Variants in CTNND2 observed in about 807,000 individuals in gnomAD.
CTNND2 encodes catenin delta 2, also known as catenin delta-2.
Under a neutral mutation model 144.4 loss-of-function variants are expected in CTNND2, and 22 were observed. The ratio of observed to expected loss-of-function variants is 0.15; its 90% CI spans 0.11 to 0.22. The LOEUF is 0.22. Ranked by LOEUF, CTNND2 falls within the 10% of genes least tolerant of loss-of-function variation. The probability of loss-of-function intolerance (pLI) is 1.00; values close to 1 mark genes in which losing one functional copy is unlikely to be tolerated. For missense variants in CTNND2, 1,353 were observed against 1,618.8 expected (o/e 0.84, Z 2.82); for synonymous variants, 751 against 695.6 (o/e 1.08, Z -1.25).
Position 11,791,989 on chromosome 5 carries a change from T to C in CTNND2, c.38-59717A>G, listed in dbSNP as rs146504667. Among the ~76,000 whole-genome samples, 14 of 152,322 alleles carry C rather than the reference T, an allele frequency of 9.2e-5. 1 individual carries two copies. The East Asian group carries it at 2.7e-3, about 29-fold the overall frequency. On this transcript the variant is annotated intron_variant, in intron 1 of 21. Transcript: ENST00000304623. ...ATGCCATGCCAAGAAAGTGGGTGACTGCATTTAACATTCTACAAATAGAAT... is the reference window on the plus strand; with the variant it reads ...ATGCCATGCCAAGAAAGTGGGTGACCGCATTTAACATTCTACAAATAGAAT...
intron 3 of CTNND2, among the ~76,000 whole-genome samples, chr5:11,413,745 T>C (rs1761719455): frequency 6.6e-6 from 1 of 152,184 alleles, no homozygotes; most frequent in Non-Finnish European, 1.5e-5. Flanking sequence ...GATACTATTT[T>C]CATTAATCAT....
intron 9 of CTNND2, among the ~76,000 whole-genome samples, chr5:11,243,553 T>A (rs1315939681): frequency 6.6e-6 from 1 of 152,168 alleles, no homozygotes. Flanking sequence ...AACTCGTAAC[T>A]CTCATTTGTG....
intron 2 of CTNND2, among the ~76,000 whole-genome samples, chr5:11,657,000 T>C (rs1212131677): frequency 6.6e-6 from 1 of 152,038 alleles, no homozygotes; most frequent in Non-Finnish European, 1.5e-5. Flanking sequence ...CTGAAAACAT[T>C]CCAGTGACAT....
intron 1 of CTNND2, among the ~76,000 whole-genome samples, chr5:11,746,622 T>C (rs1157658054): frequency 6.6e-6 from 1 of 152,222 alleles, no homozygotes; most frequent in African/African-American, 2.4e-5. Context: ...CTCAATATCT[T>C]AGATCTATGG....
chr5:11,699,941 G>A (rs1338481501), intron 2 of CTNND2, among the ~76,000 whole-genome samples: 7 of 152,116 alleles, frequency 4.6e-5, no homozygotes, highest in African/African-American at 1.2e-4. Context: ...AGAGGGAGTC[G>A]GATACTTGGT....
At chr5:11,757,470 A>T (rs1341371743) in intron 1 of CTNND2, among the ~76,000 whole-genome samples, 1 of 151,864 alleles carries the variant, frequency 6.6e-6, no homozygotes, top group Non-Finnish European at 1.5e-5. Flanking sequence ...ATTTTAGAAT[A>T]AATTCCTAGA....
chr5:11,829,015 C>G (rs781221692), intron 1 of CTNND2, among the ~76,000 whole-genome samples: 21 of 152,136 alleles, frequency 1.4e-4, no homozygotes, highest in Non-Finnish European at 2.4e-4. Context: ...TTAGAAGAGA[C>G]TGGTGGCATT....
intron 9 of CTNND2, among the ~76,000 whole-genome samples, chr5:11,293,296 C>A (rs559381161): frequency 6.6e-6 from 1 of 152,264 alleles, no homozygotes; most frequent in East Asian, 1.9e-4. Context: ...TCATACAATT[C>A]CAGGGCATAA....
Position 11,879,339 on chromosome 5 carries a change from G to GTATATATATATA in CTNND2, c.37+24477_37+24478insTATATATATATA, listed in dbSNP as rs368634452. On this transcript the variant is annotated intron_variant, in intron 1 of 21. Transcript: ENST00000304623. ...TCAAGTGTATTAAAAAATTAAATGT[G>GTATATATATATA]TGTATATATATATATATACATATAC... Among the ~76,000 whole-genome samples, 62 of 100,948 alleles carry GTATATATATATA rather than the reference G, an allele frequency of 6.1e-4. 4 individuals are homozygous for GTATATATATATA. The highest frequency in any genetic ancestry group is 1.5e-3 in the Admixed American group (14 of 9,132). The allele number at this position is 100,948 out of a possible 152,430, so 66.2% of individuals were successfully genotyped here. A position where few individuals can be genotyped will look rare whatever the true frequency, so the allele number is the denominator to read the frequency against.
At chr5:11,104,671 G>C (rs1192886551) in intron 14 of CTNND2, among the ~76,000 whole-genome samples, 1 of 152,180 alleles carries the variant, frequency 6.6e-6, no homozygotes, top group African/African-American at 2.4e-5. Flanking sequence ...GAAAACGGTA[G>C]TGCGGGTGTC....
intron 12 of CTNND2, among the ~76,000 whole-genome samples, chr5:11,133,329 A>G (rs1270151812): frequency 6.6e-6 from 1 of 152,100 alleles, no homozygotes; most frequent in Non-Finnish European, 1.5e-5. Flanking sequence ...CTTAATTACT[A>G]AAATATATTC....
At chr5:11,713,200 T>C (rs994356682) in intron 2 of CTNND2, among the ~76,000 whole-genome samples, 3 of 152,326 alleles carry the variant, frequency 2.0e-5, no homozygotes, top group Admixed American at 6.5e-5. Context: ...ATAACATTTG[T>C]TTTTGTTGTT....
intron 2 of CTNND2, among the ~76,000 whole-genome samples, chr5:11,670,568 A>T (rs1401108066): frequency 6.6e-6 from 1 of 152,156 alleles, no homozygotes; most frequent in Non-Finnish European, 1.5e-5. Context: ...CAAGACTAGG[A>T]TTGCAAGCTC....
Position 11,901,019 on chromosome 5 carries a change from A to G in CTNND2, c.37+2798T>C, listed in dbSNP as rs573616529. ...GTGTTCCCATTTTCTGTGGCTAATC[A>G]TAAAGAAGAAAACATTGGAAGTTCA... On this transcript the variant is annotated intron_variant, in intron 1 of 21. Coordinates refer to ENST00000304623, the MANE Select transcript of CTNND2 (RefSeq NM_001332.4). 1.1e-4 allele frequency among the ~76,000 whole-genome samples: 16 copies of G among 152,348 alleles called. No individual in the cohort carries two copies. The South Asian group carries it at 2.9e-3, about 28-fold the overall frequency.
chr5:11,817,471 G>A (rs1328541545), intron 1 of CTNND2, among the ~76,000 whole-genome samples: 3 of 143,078 alleles, frequency 2.1e-5, no homozygotes, highest in Non-Finnish European at 3.1e-5. Flanking sequence ...GAGAACTAGC[G>A]CTGGAGTGAG....
At chr5:11,050,397 C>A (rs991287330) in intron 16 of CTNND2, among the ~76,000 whole-genome samples, 2 of 152,132 alleles carry the variant, frequency 1.3e-5, no homozygotes, top group Non-Finnish European at 2.9e-5. Flanking sequence ...TCTACTGCTA[C>A]AAATGGCTTA....
At chr5:11,348,642 A>C (rs1755040380) in intron 8 of CTNND2, among the ~76,000 whole-genome samples, 1 of 152,118 alleles carries the variant, frequency 6.6e-6, no homozygotes, top group African/African-American at 2.4e-5. Flanking sequence ...TCAGGAAATA[A>C]TATTGAAATC....
At chr5:11,422,099 A>G (rs1354965763) in intron 3 of CTNND2, among the ~76,000 whole-genome samples, 3 of 152,200 alleles carry the variant, frequency 2.0e-5, no homozygotes, top group African/African-American at 7.2e-5. Context: ...GCTAATTCAC[A>G]GAACTGAAAG....
chr5:11,536,400 A>C (rs543249013), intron 3 of CTNND2, among the ~76,000 whole-genome samples: 1 of 152,088 alleles, frequency 6.6e-6, no homozygotes, highest in Non-Finnish European at 1.5e-5. Context: ...AAAAGAAGTT[A>C]TTGTACGAAA....
Sources: gnomAD v4.1 joint callset for allele counts (sites outside exome capture counted in the v4.1 genomes callset) on GRCh38, gnomAD v4.1.1 for gene constraint, MANE v1.5 for transcripts, NCBI Gene and HGNC (gene_info 2026-07-23, HGNC 2026-07-21) for gene names.